Variants in SRPK2 observed in about 807,000 individuals in gnomAD.
The protein encoded by SRPK2 is SRSF protein kinase 2.
In SRPK2, 21 loss-of-function variants were observed where a neutral mutation model predicts 90.8. The observed-to-expected ratio is 0.23, with a 90% CI of 0.16 to 0.33. The LOEUF (loss-of-function observed/expected upper bound fraction) is 0.33. Among genes scored for constraint, SRPK2 ranks in the 10% least tolerant of loss-of-function variants. The pLI, the probability that SRPK2 is intolerant of heterozygous loss-of-function variation, is 1.00. For synonymous variants in SRPK2, 288 were observed against 311.1 expected (o/e 0.93, Z 0.78); for missense variants, 620 against 869.0 (o/e 0.71, Z 3.60).
intron 2 of SRPK2, among the ~76,000 whole-genome samples, chr7:105,248,439 A>T (rs987624067): frequency 3.6e-5 from 5 of 137,330 alleles, no homozygotes; most frequent in African/African-American, 1.5e-4. Flanking sequence ...AAAAATTTAA[A>T]AAAAAAAAAA....
chr7:105,220,815 C>A (rs1798005968), intron 2 of SRPK2, among the ~76,000 whole-genome samples: 1 of 152,030 alleles, frequency 6.6e-6, no homozygotes, highest in African/African-American at 2.4e-5. Flanking sequence ...CAGGATGTGT[C>A]TCATTTGTTT....
At chr7:105,387,186 T>C (rs796836940) in intron 2 of SRPK2, among the ~76,000 whole-genome samples, 4 of 152,334 alleles carry the variant, frequency 2.6e-5, no homozygotes, top group African/African-American at 9.6e-5. Context: ...TCCACTTGTT[T>C]TTATGTTTCT....
chr7:105,374,246 ATTC>A (rs1716824315), intron 2 of SRPK2, among the ~76,000 whole-genome samples: 1 of 152,128 alleles, frequency 6.6e-6, no homozygotes, highest in Non-Finnish European at 1.5e-5. Context: ...CAACTTTCTT[ATTC>A]TTCATTAAGT....
At chr7:105,154,890 G>C (rs1468189896) in intron 7 of SRPK2, among the ~76,000 whole-genome samples, 1 of 151,960 alleles carries the variant, frequency 6.6e-6, no homozygotes, top group Non-Finnish European at 1.5e-5. Flanking sequence ...GGTCAGGCTG[G>C]TCTAGAACTC....
chr7:105,219,133 T>C (rs993595208), intron 2 of SRPK2, among the ~76,000 whole-genome samples: 7 of 152,112 alleles, frequency 4.6e-5, no homozygotes, highest in African/African-American at 1.7e-4. Context: ...CTTCGTTGGA[T>C]GGAGTGGTCG....
At chr7:105,376,079 C>T (rs539421173) in intron 2 of SRPK2, among the ~76,000 whole-genome samples, 3 of 141,662 alleles carry the variant, frequency 2.1e-5, no homozygotes, top group African/African-American at 5.2e-5. Context: ...ATGCAAGCTC[C>T]GCCTTCCCAG....
chr7:105,285,206 C>G (rs988539402), intron 2 of SRPK2, among the ~76,000 whole-genome samples: 1 of 151,540 alleles, frequency 6.6e-6, no homozygotes, highest in African/African-American at 2.4e-5. Context: ...GGCAACATAG[C>G]GAAACCCTAT....
chr7:105,150,046 T>C lies in SRPK2; in HGVS notation c.622-3388A>G, dbSNP rs1489736198. 2.0e-5 allele frequency among the ~76,000 whole-genome samples: 3 copies of C among 151,500 alleles called. No individual in the cohort carries two copies. The East Asian group carries it at 5.8e-4, about 29-fold the overall frequency. ...AAATGAGTATGACGGGTGGGGTAAT[T>C]GGCCAAAAAAAAAACCAAGATGAAT... On this transcript the variant is annotated intron_variant, in intron 7 of 15. Transcript: ENST00000393651.
intron 2 of SRPK2, among the ~76,000 whole-genome samples, chr7:105,364,827 T>C (rs1407458891): frequency 1.3e-5 from 2 of 152,146 alleles, no homozygotes; most frequent in Non-Finnish European, 1.5e-5. Flanking sequence ...GTCAGGGGCA[T>C]TGTCCAAAAT....
chr7:105,330,989 C>CT (rs1814241957), intron 2 of SRPK2, among the ~76,000 whole-genome samples: 1 of 151,708 alleles, frequency 6.6e-6, no homozygotes, highest in African/African-American at 2.4e-5. Flanking sequence ...AGGCGAGACT[C>CT]TGTGTCTTAA....
At chr7:105,131,312 C>T (rs1001050237) in intron 13 of SRPK2, among the ~76,000 whole-genome samples, 2 of 152,172 alleles carry the variant, frequency 1.3e-5, no homozygotes, top group Non-Finnish European at 2.9e-5. Context: ...CTAACTCCCA[C>T]GTCTCAGTCT....
At chr7:105,367,956 G>A (rs977365884) in intron 2 of SRPK2, among the ~76,000 whole-genome samples, 4 of 152,108 alleles carry the variant, frequency 2.6e-5, no homozygotes, top group Non-Finnish European at 5.9e-5. Context: ...ACATGTTGTT[G>A]ATAGCCAAAC....
chr7:105,379,486 A>T (rs1820692531), intron 2 of SRPK2, among the ~76,000 whole-genome samples: 1 of 152,206 alleles, frequency 6.6e-6, no homozygotes, highest in Non-Finnish European at 1.5e-5. Flanking sequence ...GATTTCATTT[A>T]TATGAAATTC....
intron 2 of SRPK2, among the ~76,000 whole-genome samples, chr7:105,242,792 T>C (rs911137179): frequency 2.6e-5 from 4 of 152,150 alleles, no homozygotes; most frequent in Non-Finnish European, 5.9e-5. Flanking sequence ...ATGTTCACCA[T>C]TGAGTCTCGA....
chr7:105,314,176 T>G (rs924313859), intron 2 of SRPK2, among the ~76,000 whole-genome samples: 8 of 151,566 alleles, frequency 5.3e-5, no homozygotes, highest in African/African-American at 1.5e-4. Flanking sequence ...ACTAAAAATA[T>G]GAAAAATTAA....
At chr7:105,329,598 A>C (rs1814032611) in intron 2 of SRPK2, among the ~76,000 whole-genome samples, 1 of 152,038 alleles carries the variant, frequency 6.6e-6, no homozygotes. Context: ...CGTCTCAAAA[A>C]AAAAAAAAAA....
At chr7:105,126,943 GGGCT>G (rs1291503535) in intron 14 of SRPK2, 46 bp downstream of exon 14, 1 of 1,579,430 alleles carries the variant, frequency 6.3e-7, no homozygotes, top group Non-Finnish European at 8.7e-7. Flanking sequence ...CAGAAGTTCA[GGGCT>G]GGCAGAAGAC....
chr7:105,389,031 C>T (rs1822026527), upstream of SRPK2: 4 of 966,452 alleles, frequency 4.1e-6, no homozygotes, highest in South Asian at 1.9e-4. Context: ...GGGACCCCAG[C>T]GCCGCGCGCC....
At chr7:105,281,156 G>A (rs1807279821) in intron 2 of SRPK2, among the ~76,000 whole-genome samples, 1 of 151,296 alleles carries the variant, frequency 6.6e-6, no homozygotes, top group Non-Finnish European at 1.5e-5. Context: ...GAGTATAGTA[G>A]CGCGATCTCA....
Sources: gnomAD v4.1 joint callset for allele counts (sites outside exome capture counted in the v4.1 genomes callset) on GRCh38, gnomAD v4.1.1 for gene constraint, MANE v1.5 for transcripts, NCBI Gene and HGNC (gene_info 2026-07-23, HGNC 2026-07-21) for gene names.